Variants in ATAD3A observed in about 807,000 individuals in gnomAD.
ATAD3A encodes ATPase family AAA domain-containing protein 3A.
A neutral mutation model predicts 73.8 loss-of-function variants in ATAD3A; 46 were observed. The ratio of observed to expected loss-of-function variants is 0.62; its 90% confidence interval spans 0.49 to 0.80. ATAD3A has a LOEUF of 0.80. ATAD3A is among the 30% of genes least tolerant of loss of function. ATAD3A has a pLI of 0.00. For missense variants in ATAD3A, 705 were observed against 838.0 expected, an observed-to-expected ratio of 0.84 and a Z score of 1.96; for synonymous variants, 319 against 350.0, an observed-to-expected ratio of 0.91 and a Z score of 0.99.
chr1:1,520,002 G>A lies in ATAD3A; in HGVS notation c.515-139G>A, dbSNP rs1369836816. The A allele has an allele frequency of 1.3e-5, 19 of 1,425,756 alleles. No individual in the cohort carries two copies. Among genetic ancestry groups the A allele is most frequent in the East Asian group, 2.5e-5 (1 of 40,056 alleles). 88.3% of individuals were successfully genotyped at this position (1,425,756 alleles called of 1,614,324 possible). A position where few individuals can be genotyped will look rare whatever the true frequency, so the allele number is the denominator to read the frequency against. On this transcript the variant is annotated intron_variant, in intron 5 of 15. Transcript: ENST00000378756. This position sits in a 1 kb window ranked among gnomAD's most constrained non-coding sequence, Gnocchi z 4.0. ...TGTGGGCCTGTCCATGGCGTGGGCC[G>A]GTCCGTGGCATGGGCCTGTCTGTGG...
At position 1,512,185 on chromosome 1, in the gene ATAD3A, G is replaced by T. The variant is rs1178733100; in HGVS notation, c.-84G>T. The T allele has an allele frequency of 4.1e-6, 5 of 1,217,564 alleles. No homozygotes were observed. The highest frequency in any genetic ancestry group is 5.1e-6 in the Non-Finnish European group (5 of 975,770). The allele number at this position is 1,217,564 out of a possible 1,614,324, so 75.4% of individuals were successfully genotyped here. ...GCAGTGGCGGTGACCACCGGCTCGC[G>T]GCGCGTGGAGGCTGCTCCCAGCCGC... On this transcript the variant is annotated 5_prime_UTR_variant, in exon 1 of 16. Transcript: ENST00000378756.
In ATAD3A at chr1:1,527,961, T is replaced by C. The variant is rs1186537067; in HGVS notation, c.1505+99T>C. The C allele has an allele frequency of 4.8e-4, 446 of 931,600 alleles. 1 individual carries two copies. Among genetic ancestry groups the C allele is most frequent in the South Asian group, 3.7e-3 (144 of 38,808 alleles). The allele number at this position is 931,600 out of a possible 1,614,324, so 57.7% of individuals were successfully genotyped here. ...CACTTACAAACCTTTAACATTCCTT[T>C]TTTTTTTTTTTTTTTGAGACAAAGT... On this transcript the variant is annotated intron_variant, in intron 14 of 15. Coordinates refer to ENST00000378756, the MANE Select transcript of ATAD3A (RefSeq NM_001170535.3).
chr1:1,525,232 G>C lies in ATAD3A; in HGVS notation c.1215-8G>C. 3.1e-6 allele frequency: 5 copies of C among 1,613,682 alleles called. No homozygotes were observed. The highest frequency in any genetic ancestry group is 4.2e-6 in the Non-Finnish European group (5 of 1,179,944). The stretch of plus-strand genomic sequence containing the variant: ...TCTCGCCCTGCTTGGCCTCCCTCTC[G>C]TTCACAGCCTCCTGCTCTTTGTGGA... On this transcript the variant is annotated splice_polypyrimidine_tract_variant and splice_region_variant and intron_variant, in intron 11 of 15. Coordinates refer to ENST00000378756, the MANE Select transcript of ATAD3A (RefSeq NM_001170535.3).
At position 1,512,291 on chromosome 1, in the gene ATAD3A, A is replaced by G; in HGVS notation, c.23A>G (p.Asn8Ser). 7.9e-7 allele frequency: 1 copy of G among 1,272,220 alleles called. No homozygotes were observed. Among genetic ancestry groups the G allele is most frequent in the South Asian group, 3.5e-5 (1 of 28,404 alleles). 78.8% of individuals were successfully genotyped at this position (1,272,220 alleles called of 1,614,324 possible). MSWLFGINKGPKGEGAGP... is the reference protein window; with the variant it reads MSWLFGISKGPKGEGAGP... ...AGCATGTCGTGGCTCTTCGGCATTA[A>G]CAAGGGCCCCAAGGGTGAAGGCGCG... is the stretch of plus-strand genomic sequence containing the variant. The change falls in exon 1 of 16, where the codon AAC becomes AGC. Residue 8 changes from asparagine (N) to serine (S), a missense_variant. Transcript: ENST00000378756.
chr1:1,525,162 C>G (rs1278654278), intron 11 of ATAD3A, 78 bp from the exon 12 acceptor site: 1 of 1,594,758 alleles, frequency 6.3e-7, no homozygotes, highest in Non-Finnish European at 8.6e-7. Context: ...GCTTGGCCTG[C>G]TCCTGCCGCG....
In ATAD3A at chr1:1,522,261, G is replaced by C. The variant is rs984717257; in HGVS notation, c.751-483G>C. On this transcript the variant is annotated intron_variant, in intron 7 of 15. Coordinates refer to ENST00000378756, the MANE Select transcript of ATAD3A (RefSeq NM_001170535.3). Reference sequence around the variant, plus strand: ...TCTCCATGTGGGTTAGGCTGGTCTTGAACTCTTGACCTCAGGTGATCCACC... The same window carrying C: ...TCTCCATGTGGGTTAGGCTGGTCTTCAACTCTTGACCTCAGGTGATCCACC... Among the ~76,000 whole-genome samples the C allele has an allele frequency of 4.6e-5, 7 of 152,092 alleles. No individual in the cohort carries two copies. The South Asian group carries it at 1.2e-3, about 27-fold the overall frequency.
intron 15 of ATAD3A, among the ~76,000 whole-genome samples, chr1:1,532,307 T>A (rs1007956519): frequency 3.3e-5 from 5 of 152,146 alleles, no homozygotes; most frequent in African/African-American, 1.2e-4. Context: ...CCTCTTAGGA[T>A]GAGTGAGGAA....
Position 1,523,638 on chromosome 1 carries a change from TGCTG to T in ATAD3A, c.963+74_963+77del. ...TGGAGCTGGGCCGGGCTGTGGCCCT[TGCTG>T]GCGCTCGTGGTGGCACCCAGGAGCT... On this transcript the variant is annotated intron_variant, in intron 9 of 15. Transcript: ENST00000378756. This position sits in a 1 kb window ranked among gnomAD's most constrained non-coding sequence, Gnocchi z 5.1. 1.3e-5 allele frequency: 21 copies of T among 1,606,768 alleles called. 1 individual carries two copies. The South Asian group carries it at 2.3e-4, about 18-fold the overall frequency.
chr1:1,527,892 C>T (rs776191426), intron 14 of ATAD3A, 30 bp downstream of exon 14: 33 of 1,600,082 alleles, frequency 2.1e-5, no homozygotes, highest in Non-Finnish European at 2.7e-5. Context: ...AGCCCCCGTC[C>T]AGGGGCCCTC....
Position 1,516,269 on chromosome 1 carries a change from C to T in ATAD3A, c.282+181C>T, listed in dbSNP as rs542508551. On this transcript the variant is annotated intron_variant, in intron 2 of 15. Coordinates refer to ENST00000378756, the MANE Select transcript of ATAD3A (RefSeq NM_001170535.3). ...AACAAAGGGAGGTGAGAGACGCTGC[C>T]GCAGAGCCGCCCGAGAGGGAGGGCT... is the stretch of plus-strand genomic sequence containing the variant. 5.5e-5 allele frequency among the ~76,000 whole-genome samples: 8 copies of T among 144,854 alleles called. No individual in the cohort carries two copies. In the East Asian group the frequency reaches 5.8e-4, roughly 10 times the overall value.
At chr1:1,522,643 T>C in intron 7 of ATAD3A, 101 bp from the exon 8 acceptor site, 5 of 1,564,708 alleles carry the variant, frequency 3.2e-6, no homozygotes, top group Non-Finnish European at 4.3e-6. Flanking sequence ...CCTGTGCTTC[T>C]CCCTCGGGCG....
Position 1,534,220 on chromosome 1 carries a change from G to T in ATAD3A, c.*148G>T. 6.7e-7 allele frequency: 1 copy of T among 1,502,238 alleles called. No homozygotes were observed. Among genetic ancestry groups the T allele is most frequent in the South Asian group, 1.3e-5 (1 of 74,862 alleles). The allele number at this position is 1,502,238 out of a possible 1,614,324, so 93.1% of individuals were successfully genotyped here. A position where few individuals can be genotyped will look rare whatever the true frequency, so the allele number is the denominator to read the frequency against. On this transcript the variant is annotated 3_prime_UTR_variant, in exon 16 of 16. Transcript: ENST00000378756. The stretch of plus-strand genomic sequence containing the variant: ...GTCCCCCAGGATGTCTTGTGGTGCG[G>T]GTCGGCCGTTCTGCCCCCCAGGGCA...
rs1363095004 is a variant in ATAD3A at position 1,517,020 on chromosome 1, A to G, written c.283-291A>G. 5.0e-6 allele frequency: 7 copies of G among 1,411,606 alleles called. No homozygotes were observed. In the South Asian group the frequency reaches 8.9e-5, roughly 18 times the overall value. The allele number at this position is 1,411,606 out of a possible 1,614,324, so 87.4% of individuals were successfully genotyped here. ...AGCCGTCGCACCCGGTCCACTCAGC[A>G]GGATTCCTAAAATAAGCATGAGCTC... On this transcript the variant is annotated intron_variant, in intron 2 of 15. Coordinates refer to ENST00000378756, the MANE Select transcript of ATAD3A (RefSeq NM_001170535.3).
intron 15 of ATAD3A, among the ~76,000 whole-genome samples, chr1:1,532,690 C>T (rs1642070506): frequency 6.6e-6 from 1 of 152,210 alleles, no homozygotes; most frequent in African/African-American, 2.4e-5. Context: ...GGGTGGGGTG[C>T]AGCCACTCGG....
chr1:1,522,712 G>T, intron 7 of ATAD3A, 32 bp from the exon 8 acceptor site: 1 of 1,610,048 alleles, frequency 6.2e-7, no homozygotes, highest in Non-Finnish European at 8.5e-7. Flanking sequence ...GACGGTGGGG[G>T]CCGGTGCGCC....
chr1:1,521,660 C>T (rs1422408891), intron 7 of ATAD3A, among the ~76,000 whole-genome samples: 3 of 152,234 alleles, frequency 2.0e-5, no homozygotes, highest in Non-Finnish European at 4.4e-5. Context: ...GAGACCGTGT[C>T]ACGTGAGGAC....
rs1641528724 is a variant in ATAD3A, at chr1:1,520,072, T to A, written c.515-69T>A. On this transcript the variant is annotated intron_variant, in intron 5 of 15. Transcript: ENST00000378756. The surrounding 1 kb of genome is among the most constrained non-coding windows in gnomAD (Gnocchi z 4.0). Reference sequence around the variant, plus strand: ...TGGGCCGGTCCGTGGCGTGGGCCGGTCCACAGTGTGGGTGGAGGTGGACGC... The same window carrying A: ...TGGGCCGGTCCGTGGCGTGGGCCGGACCACAGTGTGGGTGGAGGTGGACGC... The A allele has an allele frequency of 7.1e-6, 11 of 1,560,194 alleles. No homozygotes were observed. The highest frequency in any genetic ancestry group is 8.7e-6 in the Non-Finnish European group (10 of 1,153,032).
chr1:1,520,109 T>C lies in ATAD3A; in HGVS notation c.515-32T>C. ...GTGGAGGTGGACGCGCTGCACTGCA[T>C]GGTGCTGAGCTGCCCTGCCTCTCTG... On this transcript the variant is annotated intron_variant, in intron 5 of 15. Coordinates refer to ENST00000378756, the MANE Select transcript of ATAD3A (RefSeq NM_001170535.3). The surrounding 1 kb of genome is among the most constrained non-coding windows in gnomAD (Gnocchi z 4.0). The C allele has an allele frequency of 6.3e-7, 1 of 1,599,436 alleles. No individual in the cohort carries two copies. Among genetic ancestry groups the C allele is most frequent in the Non-Finnish European group, 8.5e-7 (1 of 1,175,068 alleles).
chr1:1,518,865 A>G (rs1641484220), intron 4 of ATAD3A, 56 bp from the exon 5 acceptor site: 7 of 1,613,470 alleles, frequency 4.3e-6, no homozygotes, highest in East Asian at 2.2e-5. Flanking sequence ...CCCCGCACAC[A>G]TGGGCACAGT....
Sources: gnomAD v4.1 joint callset for allele counts (sites outside exome capture counted in the v4.1 genomes callset) on GRCh38, gnomAD v4.1.1 for gene constraint, Gnocchi (gnomAD v3.1) non-coding constraint, MANE v1.5 for transcripts, NCBI Gene and HGNC (gene_info 2026-07-23, HGNC 2026-07-21) for gene names.